The following EMSY variants were observed in gnomAD, a reference collection of about 807,000 sequenced individuals.
EMSY encodes EMSY transcriptional repressor, BRCA2 interacting.
Under a neutral mutation model 134.6 loss-of-function variants are expected in EMSY, and 26 were observed. That is an observed-to-expected ratio of 0.19 (90% confidence interval 0.14 to 0.27). EMSY has a LOEUF of 0.27. Ranked by LOEUF, EMSY falls within the 10% of genes least tolerant of loss-of-function variation. The probability of loss-of-function intolerance (pLI) is 1.00; values close to 1 mark genes in which losing one functional copy is unlikely to be tolerated. For synonymous variants in EMSY, 579 were observed against 577.8 expected (o/e 1.00, Z -0.03); for missense variants, 1,305 against 1,611.4 (o/e 0.81, Z 3.26).
intron 2 of EMSY, among the ~76,000 whole-genome samples, chr11:76,450,289 A>G (rs750670569): frequency 2.0e-5 from 3 of 152,116 alleles, no homozygotes; most frequent in Non-Finnish European, 2.9e-5. Flanking sequence ...GTTATCCCTA[A>G]TGCTTTTTCT....
chr11:76,528,188 T>C (rs1159318225), intron 13 of EMSY, 80 bp from the exon 15 acceptor site: 1 of 1,246,740 alleles, frequency 8.0e-7, no homozygotes, highest in African/African-American at 1.5e-5. Context: ...CAGGAAAATA[T>C]TAGTTTATGA....
At chr11:76,478,773 TTTA>T (rs938979840) in intron 8 of EMSY, among the ~76,000 whole-genome samples, 1 of 151,008 alleles carries the variant, frequency 6.6e-6, no homozygotes, top group South Asian at 2.1e-4. Flanking sequence ...GTTTAATATT[TTTA>T]TTATTGTTGC....
At chr11:76,512,627 T>C (rs896720286) in intron 9 of EMSY, among the ~76,000 whole-genome samples, 1 of 151,884 alleles carries the variant, frequency 6.6e-6, no homozygotes, top group Non-Finnish European at 1.5e-5. Flanking sequence ...AGCTACACTT[T>C]TTTTTTTTCT....
chr11:76,519,091 C>T (rs1234923177), intron 11 of EMSY, among the ~76,000 whole-genome samples: 1 of 144,480 alleles, frequency 6.9e-6, no homozygotes, highest in Non-Finnish European at 1.5e-5. Flanking sequence ...TTGAGACAGA[C>T]TCCTGCTGTG....
chr11:76,502,873 A>G (rs895843327), intron 9 of EMSY, among the ~76,000 whole-genome samples: 4 of 152,214 alleles, frequency 2.6e-5, no homozygotes, highest in African/African-American at 9.6e-5. Flanking sequence ...AAATTAATCT[A>G]TAGATTCAAT....
intron 4 of EMSY, among the ~76,000 whole-genome samples, chr11:76,455,864 A>G (rs1371319672): frequency 6.6e-6 from 1 of 152,108 alleles, no homozygotes; most frequent in Non-Finnish European, 1.5e-5. Context: ...TTGTCTCTAG[A>G]TTCAGGAGAA....
chr11:76,490,472 T>C (rs1949373800), intron 8 of EMSY, among the ~76,000 whole-genome samples: 1 of 152,218 alleles, frequency 6.6e-6, no homozygotes, highest in Non-Finnish European at 1.5e-5. Context: ...GAATCTAGCT[T>C]TAGAGCTTAC....
chr11:76,549,836 T>A, intron 20 of EMSY, 116 bp from the exon 22 acceptor site: 1 of 868,706 alleles, frequency 1.2e-6, no homozygotes, highest in South Asian at 1.8e-5. Context: ...ATGTAGTAGT[T>A]GTCCAGTTGT....
rs57048007 is a variant in EMSY at position 76,489,315 on chromosome 11, CTTTTTTTTT to C, written c.1109-6891_1109-6883del. ...GACTTGATCAGATTCTTCTTGTTTT[CTTTTTTTTT>C]TTTTTTTTGGTCTACTTGTTATGTC... On this transcript the variant is annotated intron_variant, in intron 8 of 20. Coordinates refer to ENST00000334736, the Ensembl canonical transcript of EMSY. Among the ~76,000 whole-genome samples the C allele has an allele frequency of 4.6e-4, 59 of 128,170 alleles. 1 individual carries two copies. The highest frequency in any genetic ancestry group is 5.0e-4 in the South Asian group (2 of 4,008). The allele number at this position is 128,170 out of a possible 152,430, so 84.1% of individuals were successfully genotyped here. A position where few individuals can be genotyped will look rare whatever the true frequency, so the allele number is the denominator to read the frequency against.
At chr11:76,491,947 T>C (rs557931643) in intron 8 of EMSY, among the ~76,000 whole-genome samples, 1 of 152,224 alleles carries the variant, frequency 6.6e-6, no homozygotes, top group Non-Finnish European at 1.5e-5. Context: ...ACCTTGTAGT[T>C]GTTAACACGA....
intron 17 of EMSY, among the ~76,000 whole-genome samples, chr11:76,539,972 T>G (rs1951373585): frequency 6.6e-6 from 1 of 152,246 alleles, no homozygotes; most frequent in Non-Finnish European, 1.5e-5. Context: ...ACAGCCATAT[T>G]GAGCATTTTC....
chr11:76,477,089 G>A (rs1948795203), intron 8 of EMSY, among the ~76,000 whole-genome samples: 1 of 151,742 alleles, frequency 6.6e-6, no homozygotes. Context: ...TACCTTTAAT[G>A]TATTGTATAA....
chr11:76,485,623 T>C (rs1454731621), intron 8 of EMSY, among the ~76,000 whole-genome samples: 3 of 152,162 alleles, frequency 2.0e-5, no homozygotes, highest in Non-Finnish European at 4.4e-5. Flanking sequence ...AGCATTCCCT[T>C]TGAAAACTGG....
In EMSY at chr11:76,468,971, GT is replaced by G. The variant is rs778813989; in HGVS notation, c.832-3591del. On this transcript the variant is annotated intron_variant, in intron 7 of 20. Coordinates refer to ENST00000334736, the Ensembl canonical transcript of EMSY. Reference sequence around the variant, plus strand: ...GTTTTAAACCCCTATACTTCCTCCTGTTGTAATGAGTAACTTTAAAGTACAA... The same window carrying G: ...GTTTTAAACCCCTATACTTCCTCCTGTGTAATGAGTAACTTTAAAGTACAA... Among the ~76,000 whole-genome samples, 200 of 152,198 alleles carry G rather than the reference GT, an allele frequency of 1.3e-3. 1 individual carries two copies. The highest frequency in any genetic ancestry group is 2.2e-3 in the Non-Finnish European group (152 of 68,008).
intron 8 of EMSY, among the ~76,000 whole-genome samples, chr11:76,489,900 C>T (rs986119554): frequency 3.3e-5 from 5 of 152,290 alleles, no homozygotes; most frequent in South Asian, 2.1e-4. Flanking sequence ...CCACCGTGCC[C>T]GGCCTACTTG....
intron 8 of EMSY, among the ~76,000 whole-genome samples, chr11:76,494,488 G>A (rs1949548295): frequency 6.6e-6 from 1 of 152,130 alleles, no homozygotes; most frequent in South Asian, 2.1e-4. Context: ...GGCACTGAAA[G>A]AGGCTCCAGA....
rs1565368116 is a variant in EMSY at position 76,544,830 on chromosome 11, A to C, written c.3273+8A>C. The C allele has an allele frequency of 6.2e-7, 1 of 1,612,630 alleles. No individual in the cohort carries two copies. The highest frequency in any genetic ancestry group is 1.7e-5 in the Admixed American group (1 of 59,982). On this transcript the variant is annotated splice_region_variant and intron_variant, in intron 19 of 20. Coordinates refer to ENST00000334736, the Ensembl canonical transcript of EMSY. ...AAACAGACGGCAAGCCAGGTAACGGAATATTGATAGCATGCAAAGTTAAAC... is the reference window on the plus strand; with the variant it reads ...AAACAGACGGCAAGCCAGGTAACGGCATATTGATAGCATGCAAAGTTAAAC...
intron 9 of EMSY, among the ~76,000 whole-genome samples, chr11:76,507,393 A>G (rs1282364068): frequency 2.0e-5 from 3 of 152,260 alleles, no homozygotes; most frequent in Admixed American, 2.0e-4. Flanking sequence ...CTGTTTTACA[A>G]CATTTTACCC....
At chr11:76,523,205 A>G in exon 12 of EMSY, 2 of 1,613,802 alleles carry the variant, frequency 1.2e-6, no homozygotes, top group Non-Finnish European at 1.7e-6. Flanking sequence ...GCCCAACGTG[A>G]TTGTTGTACA....
Sources: allele counts gnomAD v4.1 joint callset (sites outside exome capture counted in the v4.1 genomes callset), GRCh38; gene constraint gnomAD v4.1.1; transcripts MANE v1.5; gene names NCBI Gene and HGNC (gene_info 2026-07-23, HGNC 2026-07-21).